UTS2B: variants seen among roughly 807,000 people sequenced by gnomAD.
UTS2B encodes urotensin 2B.
A neutral mutation model predicts 19.2 loss-of-function variants in UTS2B; 21 were observed. That is an observed-to-expected ratio of 1.09 (90% CI 0.78 to 1.58). The LOEUF (loss-of-function observed/expected upper bound fraction) is 1.58, where lower values mean the gene tolerates loss of function less well. UTS2B is among the 40% of genes most tolerant of loss of function. UTS2B has a pLI of 0.00. For missense variants in UTS2B, 138 were observed against 130.3 expected, an observed-to-expected ratio of 1.06 and a Z score of -0.29; for synonymous variants, 57 against 50.2, an observed-to-expected ratio of 1.14 and a Z score of -0.58.
Position 191,278,293 on chromosome 3 carries a change from T to C in UTS2B, c.104-123A>G, listed in dbSNP as rs532813522. On this transcript the variant is annotated intron_variant, in intron 5 of 8. Transcript: ENST00000340524. ...ACGAAAGAAATGTAGAGAGAGTGTA[T>C]AGTCTGAAGGGATGGGTAATTTAAG... is the stretch of plus-strand genomic sequence containing the variant. 1.7e-4 allele frequency: 92 copies of C among 528,394 alleles called. No homozygotes were observed. In the South Asian group the frequency reaches 2.5e-3, roughly 14 times the overall value. The allele number at this position is 528,394 out of a possible 1,614,324, so 32.7% of individuals were successfully genotyped here.
intron 4 of UTS2B, among the ~76,000 whole-genome samples, chr3:191,296,467 C>T (rs114247414): frequency 0.017 from 2,632 of 152,298 alleles, 33 homozygotes; most frequent in Non-Finnish European, 0.025. Context: ...CAGTGTTTCT[C>T]TCCATTGCAC....
At chr3:191,273,467 G>A (rs902739596) in intron 8 of UTS2B, 3 of 456,544 alleles carry the variant, frequency 6.6e-6, no homozygotes, top group African/African-American at 4.0e-5. Flanking sequence ...TGTCCCTTCC[G>A]AACTGAGGCA....
At chr3:191,284,324 T>A (rs1716474002) in intron 4 of UTS2B, among the ~76,000 whole-genome samples, 1 of 152,070 alleles carries the variant, frequency 6.6e-6, no homozygotes, top group Non-Finnish European at 1.5e-5. Flanking sequence ...TTCTTTTCTT[T>A]TCTTTTCCTT....
At chr3:191,304,422 C>T (rs907972133) in intron 4 of UTS2B, 70 bp downstream of exon 4, 2 of 152,190 alleles carry the variant, frequency 1.3e-5, no homozygotes, top group African/African-American at 2.4e-5. Context: ...CAGTTGCCCA[C>T]GTTGGTAACT....
chr3:191,338,378 G>A, the UTS2B span, among the ~76,000 whole-genome samples: 3 of 152,180 alleles, frequency 2.0e-5, no homozygotes, highest in Non-Finnish European at 2.9e-5. Context: ...GAGTCCTGAC[G>A]TAGAAGAAAG....
chr3:191,333,417 A>C (rs751350293), upstream of UTS2B, among the ~76,000 whole-genome samples: 104 of 152,266 alleles, frequency 6.8e-4, no homozygotes, highest in South Asian at 1.0e-3. Context: ...GTAGTCTAAG[A>C]AATTTAGAGC....
intron 4 of UTS2B, among the ~76,000 whole-genome samples, chr3:191,293,141 T>G (rs1488431538): frequency 6.6e-6 from 1 of 152,268 alleles, no homozygotes; most frequent in African/African-American, 2.4e-5. Context: ...TTTTATATGT[T>G]GCTGGACTGT....
At chr3:191,332,654 C>G (rs1349707491), upstream of UTS2B, among the ~76,000 whole-genome samples, 1 of 152,166 alleles carries the variant, frequency 6.6e-6, no homozygotes, top group Admixed American at 6.5e-5. Flanking sequence ...CTGAAAGTTT[C>G]TTGGAGTTCA....
intron 4 of UTS2B, among the ~76,000 whole-genome samples, chr3:191,293,739 T>A (rs1030578110): frequency 6.6e-6 from 1 of 151,898 alleles, no homozygotes; most frequent in South Asian, 2.1e-4. Flanking sequence ...CATGCTATAA[T>A]GTGGAAGTTT....
intron 8 of UTS2B, among the ~76,000 whole-genome samples, chr3:191,270,117 C>A (rs1047378760): frequency 2.0e-5 from 3 of 152,228 alleles, no homozygotes; most frequent in African/African-American, 7.2e-5. Flanking sequence ...TTTTTACTGT[C>A]TTAAGCTGGA....
At chr3:191,292,971 C>T (rs558731468) in intron 4 of UTS2B, among the ~76,000 whole-genome samples, 8 of 151,846 alleles carry the variant, frequency 5.3e-5, no homozygotes, top group Non-Finnish European at 1.0e-4. Flanking sequence ...ACACTGCGCT[C>T]CAGCCTGGGC....
intron 5 of UTS2B, among the ~76,000 whole-genome samples, chr3:191,278,578 A>G (rs113760754): frequency 2.6e-5 from 4 of 152,164 alleles, no homozygotes; most frequent in Admixed American, 1.3e-4. Flanking sequence ...TCTGATATAC[A>G]CATTTATATA....
chr3:191,317,420 G>A (rs1024115487), intron 2 of UTS2B, among the ~76,000 whole-genome samples: 1 of 152,178 alleles, frequency 6.6e-6, no homozygotes, highest in African/African-American at 2.4e-5. Context: ...AGCTGGCTCC[G>A]GCCTTGGCCA....
intron 4 of UTS2B, among the ~76,000 whole-genome samples, chr3:191,286,844 G>C (rs1214954625): frequency 6.7e-6 from 1 of 150,304 alleles, no homozygotes; most frequent in African/African-American, 2.4e-5. Flanking sequence ...TTTTTGAAAA[G>C]ATAAGAAAAA....
intron 2 of UTS2B, among the ~76,000 whole-genome samples, chr3:191,326,844 A>T (rs898476510): frequency 6.6e-6 from 1 of 152,208 alleles, no homozygotes; most frequent in Non-Finnish European, 1.5e-5. Flanking sequence ...GGGGACCTAT[A>T]CAGAACAGGT....
At chr3:191,320,324 C>A (rs2108612189) in intron 2 of UTS2B, among the ~76,000 whole-genome samples, 1 of 152,274 alleles carries the variant, frequency 6.6e-6, no homozygotes, top group Middle Eastern at 3.4e-3. Context: ...TGAAAAGGCC[C>A]TGAAGCAAGA....
intron 4 of UTS2B, among the ~76,000 whole-genome samples, chr3:191,302,818 G>T (rs1021734468): frequency 1.3e-5 from 2 of 152,152 alleles, no homozygotes; most frequent in African/African-American, 4.8e-5. Flanking sequence ...TGAACTAAAG[G>T]AGAAACAAGG....
chr3:191,329,561 T>A, intron 1 of UTS2B: 1 of 1,055,278 alleles, frequency 9.5e-7, no homozygotes, highest in Non-Finnish European at 1.3e-6. Flanking sequence ...CTGCGAGCCC[T>A]GCCGGCCGGA....
chr3:191,336,189 G>T, the UTS2B span, among the ~76,000 whole-genome samples: 1,950 of 150,054 alleles, frequency 0.013, 38 homozygotes, highest in African/African-American at 0.045. Context: ...TGTTTCCCTC[G>T]AATGGACTTT....
Sources: gnomAD v4.1 joint callset for allele counts (sites outside exome capture counted in the v4.1 genomes callset) on GRCh38, gnomAD v4.1.1 for gene constraint, MANE v1.5 for transcripts, NCBI Gene and HGNC (gene_info 2026-07-23, HGNC 2026-07-21) for gene names.